The following USP25 variants were observed in gnomAD, a reference collection of about 807,000 sequenced individuals.
USP25 encodes ubiquitin specific peptidase 25.
Under a neutral mutation model 158.5 loss-of-function variants are expected in USP25, and 85 were observed. That is an observed-to-expected ratio of 0.54 (90% CI 0.45 to 0.64). The LOEUF is 0.64. USP25 is among the 30% of genes least tolerant of loss of function. The pLI is 0.00. For synonymous variants in USP25, 464 were observed against 460.4 expected (o/e 1.01, Z -0.10); for missense variants, 1,242 against 1,327.3 (o/e 0.94, Z 1.00).
At chr21:15,810,995 A>G (rs2036630771) in intron 8 of USP25, 142 bp from the exon 9 acceptor site, 1 of 659,408 alleles carries the variant, frequency 1.5e-6, no homozygotes, top group African/African-American at 1.9e-5. Context: ...GCAACGTGGC[A>G]CTGTAAATAA....
chr21:15,814,801 G>A (rs1458452224), intron 9 of USP25, among the ~76,000 whole-genome samples: 1 of 152,184 alleles, frequency 6.6e-6, no homozygotes, highest in Non-Finnish European at 1.5e-5. Context: ...CAGAAAATTT[G>A]CAGCCTGATG....
chr21:15,762,223 T>C (rs1568771595), intron 1 of USP25, among the ~76,000 whole-genome samples: 1 of 151,944 alleles, frequency 6.6e-6, no homozygotes, highest in Non-Finnish European at 1.5e-5. Flanking sequence ...TGTTCTATAG[T>C]GTTGGGAACT....
rs568564253 is a variant in USP25, at chr21:15,755,556, C to T, written c.46-7335C>T. 2.0e-5 allele frequency among the ~76,000 whole-genome samples: 3 copies of T among 152,288 alleles called. No individual in the cohort carries two copies. The South Asian group carries it at 6.2e-4, about 32-fold the overall frequency. On this transcript the variant is annotated intron_variant, in intron 1 of 25. Coordinates refer to ENST00000400183, the MANE Select transcript of USP25 (RefSeq NM_001283041.3). ...CGACCAAGTTTCAACCCTGTCTCTG[C>T]ACTTACTAATGTCTTGAAGTCTGTG... is the stretch of plus-strand genomic sequence containing the variant.
Position 15,847,665 on chromosome 21 carries a change from A to T in USP25, c.2340A>T (p.Lys780Asn). 1 of 1,547,478 alleles carries T rather than the reference A, an allele frequency of 6.5e-7. No individual in the cohort carries two copies. The highest frequency in any genetic ancestry group is 8.7e-7 in the Non-Finnish European group (1 of 1,144,364). The change falls in exon 19 of 26, where the codon AAA (lysine) becomes AAT (asparagine). Residue 780 changes from lysine to asparagine, a missense_variant and splice_region_variant. By Grantham distance (94) the Lys-to-Asn change is moderately conservative. Around this residue, in one of 3 missense-constraint regions of USP25, gnomAD observed 608 missense variants for 605.2 expected, o/e 1.00. Transcript: ENST00000400183. ...ATATTAATGATTTCCTTCTGCAGAA[A>T]CCTGAAAATACTACAAGCCAACCAC... ...DKSPETVLQS[K>N]PENTTSQPLS...
Position 15,875,187 on chromosome 21 carries a change from A to T in USP25, c.3009+661A>T, listed in dbSNP as rs1225526646. On this transcript the variant is annotated intron_variant, in intron 24 of 25. Transcript: ENST00000400183. The surrounding 1 kb of genome is among the most constrained non-coding windows in gnomAD (Gnocchi z 4.7). ...GAGCAAGACTCTGTCTCAAAAAAAC[A>T]AGAATATACATAGAATGTATTAGAG... Among the ~76,000 whole-genome samples, 1 of 152,208 alleles carries T rather than the reference A, an allele frequency of 6.6e-6. No homozygotes were observed. The highest frequency in any genetic ancestry group is 1.5e-5 in the Non-Finnish European group (1 of 68,042).
rs1039730531 is a variant in USP25, at chr21:15,878,574, CT to C, written c.*107del. ...TGCTTGTTGCTGCTATAGTTTTTAA[CT>C]TTTTTTTATTTTAATAACTGCAAAA... On this transcript the variant is annotated 3_prime_UTR_variant, in exon 26 of 26. Transcript: ENST00000400183. The C allele has an allele frequency of 6.2e-5, 82 of 1,319,532 alleles. No individual in the cohort carries two copies. Among genetic ancestry groups the C allele is most frequent in the South Asian group, 9.2e-5 (5 of 54,158 alleles). The allele number at this position is 1,319,532 out of a possible 1,614,324, so 81.7% of individuals were successfully genotyped here.
chr21:15,804,810 A>G (rs904499689), intron 6 of USP25, among the ~76,000 whole-genome samples: 3 of 152,104 alleles, frequency 2.0e-5, no homozygotes, highest in African/African-American at 4.8e-5. Context: ...AATGGGAAGT[A>G]TTATGAGAAG....
intron 1 of USP25, among the ~76,000 whole-genome samples, chr21:15,740,740 G>A (rs2031975217): frequency 1.5e-5 from 2 of 135,376 alleles, no homozygotes; most frequent in Admixed American, 8.8e-5. Context: ...GCTAACCATA[G>A]CATATGAAAA....
At chr21:15,805,356 G>A in intron 7 of USP25, 98 bp downstream of exon 7, 1 of 1,191,226 alleles carries the variant, frequency 8.4e-7, no homozygotes, top group Non-Finnish European at 1.1e-6. Context: ...TGAGATGCAT[G>A]ATTCTGCTTT....
At chr21:15,823,095 A>T (rs1444689906) in intron 10 of USP25, among the ~76,000 whole-genome samples, 1 of 151,994 alleles carries the variant, frequency 6.6e-6, no homozygotes, top group Non-Finnish European at 1.5e-5. Flanking sequence ...TAACTTATTG[A>T]CAGATGTGTG....
intron 1 of USP25, among the ~76,000 whole-genome samples, chr21:15,745,920 T>C (rs1344222087): frequency 6.6e-6 from 1 of 152,238 alleles, no homozygotes; most frequent in African/African-American, 2.4e-5. Flanking sequence ...GGTTCATTTA[T>C]TGCATGTGGA....
chr21:15,740,359 A>G (rs2031917655), intron 1 of USP25, among the ~76,000 whole-genome samples: 1 of 152,190 alleles, frequency 6.6e-6, no homozygotes, highest in African/African-American at 2.4e-5. Flanking sequence ...ATCACAATAC[A>G]CCAAATTTAA....
chr21:15,807,671 GTGTC>G (rs1238763671), intron 7 of USP25, among the ~76,000 whole-genome samples: 3 of 152,204 alleles, frequency 2.0e-5, no homozygotes, highest in Non-Finnish European at 2.9e-5. Flanking sequence ...TTTCCCTCAT[GTGTC>G]TGTCTGTCTT....
rs1304318028 is a variant in USP25, at chr21:15,752,544, C to A, written c.46-10347C>A. 2.6e-5 allele frequency among the ~76,000 whole-genome samples: 4 copies of A among 152,314 alleles called. No individual in the cohort carries two copies. In the East Asian group the frequency reaches 7.7e-4, roughly 29 times the overall value. Reference sequence around the variant, plus strand: ...GGGGAATACTCTTAAGGGTCATAAACATGATGCAGATATGGTTGAAAGGTT... The same window carrying A: ...GGGGAATACTCTTAAGGGTCATAAAAATGATGCAGATATGGTTGAAAGGTT... On this transcript the variant is annotated intron_variant, in intron 1 of 25. Transcript: ENST00000400183.
intron 20 of USP25, among the ~76,000 whole-genome samples, chr21:15,863,870 A>C (rs1349165474): frequency 6.6e-6 from 1 of 151,950 alleles, no homozygotes; most frequent in Admixed American, 6.6e-5. Flanking sequence ...CCCCATCTCT[A>C]CTAAAAATAC....
Position 15,827,134 on chromosome 21 carries a change from G to C in USP25, c.1624G>C (p.Glu542Gln), listed in dbSNP as rs757538989. ...PMHPAPRHIT[E>Q]EELSVLESCL... ...GCATCCGGCACCAAGGCACATAACGGAGGAAGAACTTTCTGTGCTGGAAAG... is the reference window on the plus strand; with the variant it reads ...GCATCCGGCACCAAGGCACATAACGCAGGAAGAACTTTCTGTGCTGGAAAG... The change falls in exon 14 of 26, where the codon GAG becomes CAG. Residue 542 changes from glutamate (E) to glutamine (Q), a missense_variant. Physicochemically the swap from Glu to Gln is conservative, Grantham distance 29. Coordinates refer to ENST00000400183, the MANE Select transcript of USP25 (RefSeq NM_001283041.3). 1 of 1,614,170 alleles carries C rather than the reference G, an allele frequency of 6.2e-7. No homozygotes were observed. The highest frequency in any genetic ancestry group is 1.1e-5 in the South Asian group (1 of 91,082).
chr21:15,774,817 C>A (rs543543911), intron 3 of USP25, among the ~76,000 whole-genome samples: 15 of 152,322 alleles, frequency 9.8e-5, no homozygotes, highest in African/African-American at 3.1e-4. Context: ...GTGACTAATA[C>A]AATGAATTAT....
rs561876823 is a variant in USP25, at chr21:15,873,407, G to A, written c.2886-996G>A. 4.6e-5 allele frequency among the ~76,000 whole-genome samples: 7 copies of A among 151,938 alleles called. 1 individual carries two copies. The East Asian group carries it at 1.4e-3, about 29-fold the overall frequency. ...AAGTATTGGGATTACAGGCATGAGC[G>A]ACTGTGCCTGGCCCCTTTTCTTCCC... On this transcript the variant is annotated intron_variant, in intron 23 of 25. Coordinates refer to ENST00000400183, the MANE Select transcript of USP25 (RefSeq NM_001283041.3).
intron 20 of USP25, among the ~76,000 whole-genome samples, 185 bp from the exon 21 acceptor site, chr21:15,864,083 A>T (rs904322893): frequency 2.8e-5 from 4 of 144,724 alleles, no homozygotes; most frequent in African/African-American, 1.0e-4. Context: ...TCAGTTATTC[A>T]GAAAATTCCT....
Sources: gnomAD v4.1 joint callset for allele counts (sites outside exome capture counted in the v4.1 genomes callset) on GRCh38, gnomAD v4.1.1 for gene constraint, gnomAD v4.1.1 regional missense constraint, Gnocchi (gnomAD v3.1) non-coding constraint, MANE v1.5 for transcripts, NCBI Gene and HGNC (gene_info 2026-07-23, HGNC 2026-07-21) for gene names.